Variants in KCNU1 observed in about 807,000 individuals in gnomAD.
KCNU1 encodes potassium channel subfamily U member 1.
Under a neutral mutation model 126.8 loss-of-function variants are expected in KCNU1, and 93 were observed. The ratio of observed to expected loss-of-function variants is 0.73; its 90% CI spans 0.62 to 0.87. The LOEUF (loss-of-function observed/expected upper bound fraction) is 0.87, where lower values mean the gene tolerates loss of function less well. KCNU1 is among the 40% of genes least tolerant of loss of function. KCNU1 has a pLI of 0.00. For missense variants in KCNU1, 1,330 were observed against 1,367.1 expected (o/e 0.97, Z 0.43); for synonymous variants, 523 against 494.2 (o/e 1.06, Z -0.77).
At chr8:36,865,012 T>C (rs1374128804) in intron 19 of KCNU1, among the ~76,000 whole-genome samples, 1 of 152,142 alleles carries the variant, frequency 6.6e-6, no homozygotes, top group Non-Finnish European at 1.5e-5. Context: ...CCTGCTTAGT[T>C]GATTTTAATT....
intron 24 of KCNU1, chr8:36,922,947 T>G (rs1360823782): frequency 6.0e-6 from 3 of 500,734 alleles, no homozygotes; most frequent in Non-Finnish European, 1.2e-5. Flanking sequence ...GCTCAGGAGA[T>G]ACCACTTTCC....
At chr8:36,892,631 C>T (rs7017727) in intron 19 of KCNU1, among the ~76,000 whole-genome samples, 2,578 of 152,058 alleles carry the variant, frequency 0.017, 80 homozygotes, top group African/African-American at 0.059. Flanking sequence ...TATATTGACA[C>T]TTAAATCTCT....
At chr8:36,794,587 T>C (rs1803024529) in intron 2 of KCNU1, among the ~76,000 whole-genome samples, 1 of 152,074 alleles carries the variant, frequency 6.6e-6, no homozygotes, top group Non-Finnish European at 1.5e-5. Flanking sequence ...CATTTTCTCA[T>C]AAACTTTTTC....
intron 10 of KCNU1, among the ~76,000 whole-genome samples, chr8:36,829,715 A>T (rs1585425874): frequency 6.6e-6 from 1 of 151,412 alleles, no homozygotes; most frequent in African/African-American, 2.4e-5. Flanking sequence ...TGCAGCATTG[A>T]CTGCTTTATG....
intron 2 of KCNU1, among the ~76,000 whole-genome samples, chr8:36,793,993 G>T (rs1802999244): frequency 1.4e-5 from 2 of 144,682 alleles, no homozygotes; most frequent in African/African-American, 5.2e-5. Flanking sequence ...GGCAGAGGTT[G>T]CAATGAGCTG....
chr8:36,930,388 A>AC (rs1163294355), intron 24 of KCNU1, among the ~76,000 whole-genome samples: 1 of 152,128 alleles, frequency 6.6e-6, no homozygotes, highest in African/African-American at 2.4e-5. Flanking sequence ...ATTATTAAAC[A>AC]CCTATAATTT....
intron 10 of KCNU1, 70 bp from the exon 11 acceptor site, chr8:36,833,484 T>A (rs566804294): frequency 5.2e-5 from 45 of 863,680 alleles, no homozygotes; most frequent in Non-Finnish European, 7.0e-5. Flanking sequence ...CCAAATTAGT[T>A]ATAAAAACCT....
chr8:36,900,927 GC>G (rs1807393122), intron 19 of KCNU1, among the ~76,000 whole-genome samples: 1 of 151,944 alleles, frequency 6.6e-6, no homozygotes. Flanking sequence ...CTCAAATCTT[GC>G]CCCAAAAATA....
At chr8:36,908,376 A>AT (rs566499151) in intron 20 of KCNU1, among the ~76,000 whole-genome samples, 1 of 151,938 alleles carries the variant, frequency 6.6e-6, no homozygotes, top group East Asian at 1.9e-4. Flanking sequence ...ATCAAATGAA[A>AT]TTTTTTTTAT....
chr8:36,818,637 G>A (rs771129947), intron 10 of KCNU1, among the ~76,000 whole-genome samples: 7 of 152,074 alleles, frequency 4.6e-5, no homozygotes, highest in African/African-American at 1.7e-4. Context: ...ATGATTCATC[G>A]GTTACCCAAA....
chr8:36,909,268 C>T, intron 20 of KCNU1, 43 bp from the exon 21 acceptor site: 1 of 1,276,124 alleles, frequency 7.8e-7, no homozygotes, highest in Non-Finnish European at 1.1e-6. Context: ...GGATTCTCAT[C>T]TTGCTTATGA....
intron 19 of KCNU1, among the ~76,000 whole-genome samples, chr8:36,886,277 C>CA (rs1459977436): frequency 6.6e-6 from 1 of 152,178 alleles, no homozygotes; most frequent in Admixed American, 6.5e-5. Flanking sequence ...TCACACTGAA[C>CA]ACCTATTTAC....
At chr8:36,876,172 G>C (rs1806271837) in intron 19 of KCNU1, among the ~76,000 whole-genome samples, 1 of 152,066 alleles carries the variant, frequency 6.6e-6, no homozygotes, top group Non-Finnish European at 1.5e-5. Context: ...TTTCCATCAT[G>C]CATCCCCTAG....
At chr8:36,888,242 G>C (rs1250786284) in intron 19 of KCNU1, among the ~76,000 whole-genome samples, 1 of 152,158 alleles carries the variant, frequency 6.6e-6, no homozygotes, top group Non-Finnish European at 1.5e-5. Flanking sequence ...AATGGACAAT[G>C]TAAGCAGAGA....
intron 24 of KCNU1, among the ~76,000 whole-genome samples, chr8:36,926,682 A>G (rs1464163821): frequency 6.6e-6 from 1 of 152,104 alleles, no homozygotes; most frequent in East Asian, 1.9e-4. Flanking sequence ...CCAATTTTGC[A>G]TGTCCCTTTT....
chr8:36,864,466 G>T lies in KCNU1; in HGVS notation c.1954G>T (p.Asp652Tyr), dbSNP rs758779135. The change falls in exon 19 of 27, where the codon GAT becomes TAT. Residue 652 changes from aspartate (D) to tyrosine (Y), a missense_variant. By Grantham distance (160) the Asp-to-Tyr change is radical (BLOSUM62 -3). This residue lies in a region of KCNU1 where 1,054 missense variants were observed against 1,053.9 expected (regional missense o/e 1.00). Coordinates refer to ENST00000399881, the MANE Select transcript of KCNU1 (RefSeq NM_001031836.3). ...AATCTCCTCTCGTATATCAGGGCAG[G>T]ATTCTCCGCCAAGGGTATCTGCAAG... is the stretch of plus-strand genomic sequence containing the variant. ...KGISSRISGQ[D>Y]SPPRVSASTS... is the part of the protein sequence containing the mutation. The T allele has an allele frequency of 8.7e-6, 14 of 1,613,282 alleles. No individual in the cohort carries two copies. Among genetic ancestry groups the T allele is most frequent in the Non-Finnish European group, 1.1e-5 (13 of 1,179,348 alleles).
At chr8:36,851,543 T>A (rs1047159454) in intron 18 of KCNU1, among the ~76,000 whole-genome samples, 1 of 152,128 alleles carries the variant, frequency 6.6e-6, no homozygotes, top group African/African-American at 2.4e-5. Flanking sequence ...CATAAAATAG[T>A]CTCAGGCAGT....
intron 19 of KCNU1, among the ~76,000 whole-genome samples, chr8:36,887,577 C>T (rs1806764941): frequency 6.6e-6 from 1 of 151,798 alleles, no homozygotes; most frequent in Admixed American, 6.6e-5. Context: ...CGGCCAGAAC[C>T]AATCCATGGT....
intron 2 of KCNU1, among the ~76,000 whole-genome samples, chr8:36,800,158 C>A (rs1400533210): frequency 6.6e-6 from 1 of 152,102 alleles, no homozygotes; most frequent in African/African-American, 2.4e-5. Flanking sequence ...CATATACTTT[C>A]TTTGCCTGAT....
Sources: allele counts gnomAD v4.1 joint callset (sites outside exome capture counted in the v4.1 genomes callset), GRCh38; gene constraint gnomAD v4.1.1; regional missense constraint gnomAD v4.1.1; transcripts MANE v1.5; gene names NCBI Gene and HGNC (gene_info 2026-07-23, HGNC 2026-07-21).